Variants in ABHD2 observed in about 807,000 individuals in gnomAD.
The protein encoded by ABHD2 is monoacylglycerol lipase ABHD2.
In ABHD2, 20 loss-of-function variants were observed where a neutral mutation model predicts 48.1. That is an observed-to-expected ratio of 0.42 (90% CI 0.29 to 0.60). The LOEUF is 0.60. ABHD2 is among the 20% of genes least tolerant of loss of function. ABHD2 has a pLI of 0.24. For synonymous variants in ABHD2, 209 were observed against 214.2 expected, an observed-to-expected ratio of 0.98 and a Z score of 0.21; for missense variants, 405 against 550.9, an observed-to-expected ratio of 0.74 and a Z score of 2.65.
At chr15:89,152,281 G>A (rs1260495855) in intron 4 of ABHD2, among the ~76,000 whole-genome samples, 2 of 151,936 alleles carry the variant, frequency 1.3e-5, no homozygotes, top group African/African-American at 4.8e-5. Flanking sequence ...GGTTTTAACT[G>A]TGTTAGCCAG....
At chr15:89,129,467 A>G (rs1053107438) in intron 3 of ABHD2, among the ~76,000 whole-genome samples, 1 of 152,220 alleles carries the variant, frequency 6.6e-6, no homozygotes, top group Non-Finnish European at 1.5e-5. Flanking sequence ...TAAACAGGTC[A>G]GCACAATAGC....
intron 5 of ABHD2, among the ~76,000 whole-genome samples, chr15:89,158,772 G>T (rs1318594983): frequency 1.3e-5 from 2 of 151,972 alleles, no homozygotes; most frequent in Non-Finnish European, 2.9e-5. Flanking sequence ...GAGTGAAGTA[G>T]TGCAATCATG....
chr15:89,070,481 C>G, the ABHD2 span, among the ~76,000 whole-genome samples: 25 of 152,286 alleles, frequency 1.6e-4, no homozygotes, highest in South Asian at 5.0e-3. Context: ...TACATTGGGT[C>G]TGGATGTGGT....
intron 5 of ABHD2, among the ~76,000 whole-genome samples, chr15:89,162,180 A>T (rs923179096): frequency 6.6e-6 from 1 of 152,194 alleles, no homozygotes; most frequent in African/African-American, 2.4e-5. Flanking sequence ...GAGAGACACT[A>T]TTCAGCCCAT....
the ABHD2 span, among the ~76,000 whole-genome samples, chr15:89,071,892 G>A: frequency 1.3e-5 from 2 of 152,204 alleles, no homozygotes; most frequent in African/African-American, 4.8e-5. Context: ...GCCAATGGAA[G>A]TGGTGCATGC....
At chr15:89,125,128 T>C (rs973114167) in intron 3 of ABHD2, among the ~76,000 whole-genome samples, 1 of 151,484 alleles carries the variant, frequency 6.6e-6, no homozygotes, top group Non-Finnish European at 1.5e-5. Context: ...TGGTGGCACA[T>C]GCCTGTAGTC....
In ABHD2 at chr15:89,182,535, C is replaced by G. The variant is rs1379077777; in HGVS notation, c.723-2889C>G. On this transcript the variant is annotated intron_variant, in intron 6 of 10. Coordinates refer to ENST00000352732, the MANE Select transcript of ABHD2 (RefSeq NM_152924.5). This position sits in a 1 kb window ranked among gnomAD's most constrained non-coding sequence, Gnocchi z 4.8. The stretch of plus-strand genomic sequence containing the variant: ...GTGAAGTGCCTCACGCCTGTAATTC[C>G]AACACTTTGGAAGGAGGCCGAGACC... Among the ~76,000 whole-genome samples the G allele has an allele frequency of 6.6e-6, 1 of 152,092 alleles. No homozygotes were observed. Among genetic ancestry groups the G allele is most frequent in the Non-Finnish European group, 1.5e-5 (1 of 68,010 alleles).
intron 3 of ABHD2, among the ~76,000 whole-genome samples, chr15:89,127,738 T>C (rs1361487212): frequency 7.1e-6 from 1 of 141,738 alleles, no homozygotes; most frequent in African/African-American, 2.7e-5. Context: ...TATATATATA[T>C]ATGTATATTT....
chr15:89,087,604 C>T (rs1901405840), upstream of ABHD2: 1 of 152,188 alleles, frequency 6.6e-6, no homozygotes, highest in African/African-American at 2.4e-5. This position sits in a 1 kb window ranked among gnomAD's most constrained non-coding sequence, Gnocchi z 5.5. Context: ...TTTATTTAAT[C>T]TTCTCATCAA....
intron 3 of ABHD2, among the ~76,000 whole-genome samples, chr15:89,132,576 T>C (rs1403177337): frequency 6.6e-6 from 1 of 152,160 alleles, no homozygotes; most frequent in African/African-American, 2.4e-5. Flanking sequence ...TGTGAGGATA[T>C]GGGTGATTTT....
intron 3 of ABHD2, among the ~76,000 whole-genome samples, chr15:89,145,962 A>G (rs1374396400): frequency 6.6e-6 from 1 of 152,122 alleles, no homozygotes; most frequent in Non-Finnish European, 1.5e-5. Flanking sequence ...TTGTTGCTTT[A>G]AGCAATGCAT....
At chr15:89,115,365 G>T (rs2919422) in intron 2 of ABHD2, among the ~76,000 whole-genome samples, 48,337 of 126,626 alleles carry the variant, frequency 0.38, 9,202 homozygotes, top group Non-Finnish European at 0.47. Context: ...TATATGTTTG[G>T]AGGTATGTGT....
At position 89,104,772 on chromosome 15, in the gene ABHD2, G is replaced by A. The variant is rs965281554; in HGVS notation, c.-106-8953G>A. On this transcript the variant is annotated intron_variant, in intron 1 of 10. Coordinates refer to ENST00000352732, the MANE Select transcript of ABHD2 (RefSeq NM_152924.5). The surrounding 1 kb of genome is among the most constrained non-coding windows in gnomAD (Gnocchi z 4.4). ...CCCCCATCTCCATTTCCTCCTTCTG[G>A]AAGCTTATTTCCAGACATAGAAGAG... is the stretch of plus-strand genomic sequence containing the variant. 2.6e-5 allele frequency among the ~76,000 whole-genome samples: 4 copies of A among 152,146 alleles called. No individual in the cohort carries two copies. Among genetic ancestry groups the A allele is most frequent in the African/African-American group, 9.7e-5 (4 of 41,418 alleles).
At position 89,185,620 on chromosome 15, in the gene ABHD2, A is replaced by G; in HGVS notation, c.815+104A>G. ...TCCTGTTCCTTCAGGGGAAAAAAAAAAATGCAGGTGTGGTACAGACTCTCT... is the reference window on the plus strand; with the variant it reads ...TCCTGTTCCTTCAGGGGAAAAAAAAGAATGCAGGTGTGGTACAGACTCTCT... On this transcript the variant is annotated intron_variant, in intron 7 of 10. Transcript: ENST00000352732. The surrounding 1 kb of genome is among the most constrained non-coding windows in gnomAD (Gnocchi z 5.9). The G allele has an allele frequency of 2.0e-6, 2 of 1,022,728 alleles. No homozygotes were observed. Among genetic ancestry groups the G allele is most frequent in the Non-Finnish European group, 3.0e-6 (2 of 676,564 alleles). 63.4% of individuals were successfully genotyped at this position (1,022,728 alleles called of 1,614,324 possible). A position where few individuals can be genotyped will look rare whatever the true frequency, so the allele number is the denominator to read the frequency against.
rs1005564329 is a variant in ABHD2 at position 89,197,857 on chromosome 15, G to T, written c.*2434G>T. The T allele has an allele frequency of 6.6e-6, 1 of 152,196 alleles. No homozygotes were observed. The highest frequency in any genetic ancestry group is 1.5e-5 in the Non-Finnish European group (1 of 68,040). The allele number at this position is 152,196 out of a possible 1,614,324, so 9.4% of individuals were successfully genotyped here. ...TCTTTTTAGTGTGTGGCTCTGAATGGCACTCACATTCCATTTTGGCTCACA... is the reference window on the plus strand; with the variant it reads ...TCTTTTTAGTGTGTGGCTCTGAATGTCACTCACATTCCATTTTGGCTCACA... On this transcript the variant is annotated 3_prime_UTR_variant, in exon 11 of 11. Coordinates refer to ENST00000352732, the MANE Select transcript of ABHD2 (RefSeq NM_152924.5). The surrounding 1 kb of genome is among the most constrained non-coding windows in gnomAD (Gnocchi z 4.4).
chr15:89,197,717 A>G lies in ABHD2; in HGVS notation c.*2294A>G, dbSNP rs978009356. On this transcript the variant is annotated 3_prime_UTR_variant, in exon 11 of 11. Transcript: ENST00000352732. The surrounding 1 kb of genome is among the most constrained non-coding windows in gnomAD (Gnocchi z 4.4). ...TGGGGGAGGGTGGAGCCTGGTCTGC[A>G]CGGCAGTCCTGGTGGCCCCTGTGGA... is the stretch of plus-strand genomic sequence containing the variant. 2.0e-5 allele frequency: 3 copies of G among 152,270 alleles called. No homozygotes were observed. The highest frequency in any genetic ancestry group is 4.4e-5 in the Non-Finnish European group (3 of 68,096). The allele number at this position is 152,270 out of a possible 1,614,324, so 9.4% of individuals were successfully genotyped here. A position where few individuals can be genotyped will look rare whatever the true frequency, so the allele number is the denominator to read the frequency against.
At chr15:89,062,762 T>A in the ABHD2 span, among the ~76,000 whole-genome samples, 1,003 of 152,168 alleles carry the variant, frequency 6.6e-3, 14 homozygotes, top group African/African-American at 0.023. Context: ...AATAAAAGAA[T>A]AGGAGCAGTT....
the ABHD2 span, among the ~76,000 whole-genome samples, chr15:89,056,982 C>T: frequency 1.4e-5 from 2 of 140,196 alleles, no homozygotes; most frequent in African/African-American, 2.6e-5. Flanking sequence ...GGCGCCATCT[C>T]GGCTCACTGC....
chr15:89,107,794 G>C (rs1412987711), intron 1 of ABHD2, among the ~76,000 whole-genome samples: 1 of 152,130 alleles, frequency 6.6e-6, no homozygotes, highest in African/African-American at 2.4e-5. Flanking sequence ...TTTTCCTTGA[G>C]AGGTATTTGC....
Sources: allele counts gnomAD v4.1 joint callset (sites outside exome capture counted in the v4.1 genomes callset), GRCh38; gene constraint gnomAD v4.1.1; non-coding constraint Gnocchi (gnomAD v3.1); transcripts MANE v1.5; gene names NCBI Gene and HGNC (gene_info 2026-07-23, HGNC 2026-07-21).